The following SPON1 variants were observed in gnomAD, a reference collection of about 807,000 sequenced individuals.
The protein encoded by SPON1 is spondin-1.
SPON1 carries 52 observed loss-of-function variants against 111.7 expected under a neutral mutation model. The ratio of observed to expected loss-of-function variants is 0.47; its 90% CI spans 0.37 to 0.59. SPON1 has a LOEUF of 0.59. Ranked by LOEUF, SPON1 falls within the 20% of genes least tolerant of loss-of-function variation. The probability of loss-of-function intolerance (pLI) is 0.00; values close to 1 mark genes in which losing one functional copy is unlikely to be tolerated. For missense variants in SPON1, 957 were observed against 1,068.5 expected, an observed-to-expected ratio of 0.90 and a Z score of 1.46; for synonymous variants, 410 against 395.8, an observed-to-expected ratio of 1.04 and a Z score of -0.43.
intron 4 of SPON1, among the ~76,000 whole-genome samples, 193 bp from the exon 5 acceptor site, chr11:14,079,706 A>C (rs782592798): frequency 1.9e-4 from 27 of 145,192 alleles, no homozygotes; most frequent in Non-Finnish European, 3.3e-4. Context: ...TTTTTTTTTC[A>C]AAATATTACC....
chr11:14,156,360 CTTTG>C (rs1281042784), intron 6 of SPON1, among the ~76,000 whole-genome samples: 2 of 110,834 alleles, frequency 1.8e-5, no homozygotes, highest in African/African-American at 3.1e-5. Flanking sequence ...TTTCTTGTAA[CTTTG>C]TTTGAGTTCA....
chr11:14,168,775 G>C (rs1239827160), intron 6 of SPON1, among the ~76,000 whole-genome samples: 1 of 151,692 alleles, frequency 6.6e-6, no homozygotes, highest in East Asian at 1.9e-4. Context: ...CCTTGCAATA[G>C]TTTGCTGAGA....
intron 3 of SPON1, among the ~76,000 whole-genome samples, chr11:14,044,701 A>G (rs533658332): frequency 6.6e-6 from 1 of 152,328 alleles, no homozygotes; most frequent in South Asian, 2.1e-4. Flanking sequence ...TTTGGTTTGT[A>G]TGCTTTAGAC....
intron 5 of SPON1, among the ~76,000 whole-genome samples, chr11:14,122,925 C>T (rs1354686799): frequency 7.0e-6 from 1 of 143,192 alleles, no homozygotes; most frequent in Non-Finnish European, 1.5e-5. Context: ...CTTTATACTG[C>T]TCTTGTAATT....
chr11:14,257,782 G>A lies in SPON1; in HGVS notation c.1376G>A (p.Cys459Tyr), dbSNP rs782435379. Reference protein sequence around the residue: ...SPWSACSSSTCDKGKRMRQRM... With the variant: ...SPWSACSSSTYDKGKRMRQRM... The stretch of plus-strand genomic sequence containing the variant: ...TGGTCCGCCTGCAGCTCCTCCACCT[G>A]TGACAAAGGCAAGAGGATGCGACAG... Residue 459 changes from cysteine (C) to tyrosine (Y), a missense_variant, in exon 11 of 16, where the codon TGT (cysteine) becomes TAT (tyrosine). This residue lies in a region of SPON1 where 549 missense variants were observed against 606.2 expected (regional missense o/e 0.91). Transcript: ENST00000576479. The A allele has an allele frequency of 2.5e-6, 4 of 1,613,134 alleles. No individual in the cohort carries two copies. In the Admixed American group the frequency reaches 6.7e-5, roughly 27 times the overall value.
chr11:14,022,550 C>T (rs2133804312), intron 2 of SPON1, among the ~76,000 whole-genome samples: 1 of 152,258 alleles, frequency 6.6e-6, no homozygotes, highest in South Asian at 2.1e-4. Context: ...TCGTGTGGTC[C>T]TCAGGAAATT....
intron 6 of SPON1, among the ~76,000 whole-genome samples, chr11:14,239,693 A>G (rs1459140797): frequency 6.6e-6 from 1 of 152,200 alleles, no homozygotes; most frequent in Non-Finnish European, 1.5e-5. Context: ...CCACTGCACT[A>G]CAACCTGGGT....
chr11:14,149,768 C>A (rs1465779419), intron 6 of SPON1, among the ~76,000 whole-genome samples: 2 of 152,134 alleles, frequency 1.3e-5, no homozygotes, highest in African/African-American at 4.8e-5. Context: ...AGGTTTATAG[C>A]CTAAAAACAA....
rs200016573 is a variant in SPON1 at position 14,003,717 on chromosome 11, G to GAT, written c.345+20774_345+20775dup. Among the ~76,000 whole-genome samples the GAT allele has an allele frequency of 2.5e-3, 376 of 152,094 alleles. 3 individuals carry two copies. The highest frequency in any genetic ancestry group is 6.8e-3 in the Middle Eastern group (2 of 294). On this transcript the variant is annotated intron_variant, in intron 2 of 15. Coordinates refer to ENST00000576479, the MANE Select transcript of SPON1 (RefSeq NM_006108.4). ...GTTATGTATAGATAGTATACATAAT[G>GAT]ATATATATATAGATAGTAAAATGGT... is the stretch of plus-strand genomic sequence containing the variant.
At chr11:14,095,529 G>A (rs1554923818) in intron 5 of SPON1, among the ~76,000 whole-genome samples, 1 of 152,072 alleles carries the variant, frequency 6.6e-6, no homozygotes, top group Non-Finnish European at 1.5e-5. Context: ...GCAAACCGGA[G>A]ACCCAGGAGA....
chr11:14,105,504 A>T (rs1554924813), intron 5 of SPON1, among the ~76,000 whole-genome samples: 1 of 152,132 alleles, frequency 6.6e-6, no homozygotes, highest in African/African-American at 2.4e-5. Flanking sequence ...CATTTAAGAA[A>T]TAGTTTATAA....
intron 6 of SPON1, among the ~76,000 whole-genome samples, chr11:14,225,727 A>G (rs1420312860): frequency 6.6e-6 from 1 of 152,232 alleles, no homozygotes; most frequent in African/African-American, 2.4e-5. Flanking sequence ...AGAAAATAAA[A>G]TATCTTATCA....
At chr11:13,999,414 C>A (rs1170991267) in intron 2 of SPON1, among the ~76,000 whole-genome samples, 1 of 149,512 alleles carries the variant, frequency 6.7e-6, no homozygotes, top group East Asian at 1.9e-4. Context: ...ATTGCTGTAT[C>A]ATTTTCTTTC....
intron 1 of SPON1, among the ~76,000 whole-genome samples, chr11:13,971,767 C>T (rs1484075861): frequency 6.6e-6 from 1 of 152,144 alleles, no homozygotes; most frequent in Non-Finnish European, 1.5e-5. Context: ...TACTATGGGA[C>T]ACACTCATTT....
At chr11:14,258,515 C>CTGA (rs1292770897) in intron 11 of SPON1, among the ~76,000 whole-genome samples, 1 of 152,210 alleles carries the variant, frequency 6.6e-6, no homozygotes, top group East Asian at 1.9e-4. Flanking sequence ...CTTTCTCTGC[C>CTGA]TGATAGATCT....
chr11:14,243,739 T>A (rs1848956369), intron 7 of SPON1, among the ~76,000 whole-genome samples: 1 of 152,182 alleles, frequency 6.6e-6, no homozygotes, highest in African/African-American at 2.4e-5. Flanking sequence ...GGTGTACTCA[T>A]GCTTAGCCAG....
At chr11:14,067,402 A>G (rs1848841241) in intron 3 of SPON1, among the ~76,000 whole-genome samples, 1 of 152,178 alleles carries the variant, frequency 6.6e-6, no homozygotes, top group Non-Finnish European at 1.5e-5. Flanking sequence ...TTTTTCCCAT[A>G]CCACAAGAAG....
intron 1 of SPON1, among the ~76,000 whole-genome samples, chr11:13,975,947 A>G (rs1456230663): frequency 6.6e-6 from 1 of 152,194 alleles, no homozygotes; most frequent in Admixed American, 6.5e-5. Flanking sequence ...CACCATCACC[A>G]TCACCATCAT....
intron 4 of SPON1, among the ~76,000 whole-genome samples, chr11:14,077,361 A>G (rs1156865218): frequency 6.6e-6 from 1 of 152,258 alleles, no homozygotes; most frequent in Admixed American, 6.5e-5. Flanking sequence ...GTTACTTCCA[A>G]TTAAGAACAG....
Sources: gnomAD v4.1 joint callset for allele counts (sites outside exome capture counted in the v4.1 genomes callset) on GRCh38, gnomAD v4.1.1 for gene constraint, gnomAD v4.1.1 regional missense constraint, MANE v1.5 for transcripts, NCBI Gene and HGNC (gene_info 2026-07-23, HGNC 2026-07-21) for gene names.